The following TMTC1 variants were observed in gnomAD, a reference collection of about 807,000 sequenced individuals.
The protein encoded by TMTC1 is transmembrane O-mannosyltransferase targeting cadherins 1.
TMTC1 carries 73 observed loss-of-function variants against 104.8 expected under a neutral mutation model. The observed-to-expected ratio is 0.70, with a 90% confidence interval of 0.58 to 0.85. TMTC1 has a LOEUF of 0.85. Among genes scored for constraint, TMTC1 ranks in the 40% least tolerant of loss-of-function variants. The probability of loss-of-function intolerance (pLI) is 0.00; values close to 1 mark genes in which losing one functional copy is unlikely to be tolerated. For missense variants in TMTC1, 1,035 were observed against 1,096.1 expected (o/e 0.94, Z 0.79); for synonymous variants, 434 against 428.7 (o/e 1.01, Z -0.15).
intron 7 of TMTC1, among the ~76,000 whole-genome samples, chr12:29,599,250 A>C (rs1946489994): frequency 6.6e-6 from 1 of 152,230 alleles, no homozygotes; most frequent in Admixed American, 6.5e-5. Flanking sequence ...GGGAAAAAAT[A>C]AAAGATCAAA....
intron 5 of TMTC1, among the ~76,000 whole-genome samples, chr12:29,648,290 C>T (rs1041478897): frequency 6.6e-6 from 1 of 152,154 alleles, no homozygotes; most frequent in South Asian, 2.1e-4. Context: ...GACAACCTAG[C>T]TGAGATAAAT....
At chr12:29,730,508 T>G (rs1252173452) in intron 5 of TMTC1, among the ~76,000 whole-genome samples, 1 of 152,210 alleles carries the variant, frequency 6.6e-6, no homozygotes, top group Non-Finnish European at 1.5e-5. Flanking sequence ...TGCTATTGAT[T>G]CTTCTCTCCC....
intron 7 of TMTC1, among the ~76,000 whole-genome samples, chr12:29,588,492 G>T (rs1023874943): frequency 2.0e-5 from 3 of 152,126 alleles, no homozygotes; most frequent in African/African-American, 7.2e-5. Context: ...AGCCCTCTGG[G>T]CTCCGTTCTT....
At chr12:29,689,824 T>A (rs1044009850) in intron 5 of TMTC1, among the ~76,000 whole-genome samples, 11 of 152,204 alleles carry the variant, frequency 7.2e-5, no homozygotes. Flanking sequence ...AGGATTCCAC[T>A]CTTCTAGAAG....
intron 8 of TMTC1, among the ~76,000 whole-genome samples, chr12:29,572,655 T>C (rs569125314): frequency 6.6e-6 from 1 of 152,226 alleles, no homozygotes; most frequent in Admixed American, 6.5e-5. Flanking sequence ...CAATCTGGCT[T>C]TCCTAATTTA....
chr12:29,594,895 G>A lies in TMTC1; in HGVS notation c.1250+9283C>T, dbSNP rs1307201307. 2.0e-5 allele frequency among the ~76,000 whole-genome samples: 3 copies of A among 152,276 alleles called. No individual in the cohort carries two copies. In the East Asian group the frequency reaches 5.8e-4, roughly 29 times the overall value. On this transcript the variant is annotated intron_variant, in intron 7 of 17. Transcript: ENST00000539277. ...CTTTTGAGCACACAAGGTTAGAAAC[G>A]ACATGAAGAGGTTTGAAGAACCAAA...
At chr12:29,739,727 G>A (rs183637166) in intron 5 of TMTC1, among the ~76,000 whole-genome samples, 3 of 151,272 alleles carry the variant, frequency 2.0e-5, no homozygotes, top group Admixed American at 6.6e-5. Flanking sequence ...TTTTTTTTCC[G>A]AGATGGGGTC....
intron 9 of TMTC1, among the ~76,000 whole-genome samples, chr12:29,562,018 G>A (rs574908962): frequency 4.3e-4 from 66 of 152,286 alleles, no homozygotes; most frequent in Non-Finnish European, 7.6e-4. Flanking sequence ...CTTCATTTCA[G>A]GAGGTGACAG....
intron 5 of TMTC1, among the ~76,000 whole-genome samples, chr12:29,707,495 A>T (rs528589180): frequency 6.6e-6 from 1 of 152,130 alleles, no homozygotes; most frequent in Non-Finnish European, 1.5e-5. Flanking sequence ...TACAAAGTCC[A>T]GAGTGTTACA....
intron 5 of TMTC1, among the ~76,000 whole-genome samples, chr12:29,657,730 GGCAAA>G (rs1337062167): frequency 2.6e-5 from 4 of 152,086 alleles, no homozygotes; most frequent in Non-Finnish European, 5.9e-5. Context: ...AAGCATACAA[GGCAAA>G]GAAAGTAGTA....
rs1943898052 is a variant in TMTC1, at chr12:29,783,844, G to A, written c.-93C>T. 2 of 1,043,362 alleles carry A rather than the reference G, an allele frequency of 1.9e-6. No individual in the cohort carries two copies. The highest frequency in any genetic ancestry group is 5.4e-5 in the Admixed American group (1 of 18,442). The allele number at this position is 1,043,362 out of a possible 1,614,324, so 64.6% of individuals were successfully genotyped here. The stretch of plus-strand genomic sequence containing the variant: ...CGGCGGCGCGCGGCGTCTGCCCGGA[G>A]GGGGGCTCGGGCATGGTGCTGCGGC... On this transcript the variant is annotated 5_prime_UTR_variant, in exon 1 of 18. Coordinates refer to ENST00000539277, the MANE Select transcript of TMTC1 (RefSeq NM_001193451.2). This position sits in a 1 kb window ranked among gnomAD's most constrained non-coding sequence, Gnocchi z 4.7.
At chr12:29,744,693 C>A (rs1592001559) in intron 5 of TMTC1, among the ~76,000 whole-genome samples, 1 of 152,076 alleles carries the variant, frequency 6.6e-6, no homozygotes, top group African/African-American at 2.4e-5. Flanking sequence ...ACAGAAAAAT[C>A]AAAAATCTTT....
chr12:29,516,118 C>CAAT (rs1943978688), intron 15 of TMTC1, among the ~76,000 whole-genome samples: 1 of 151,882 alleles, frequency 6.6e-6, no homozygotes, highest in Non-Finnish European at 1.5e-5. Context: ...CAAACTAAGA[C>CAAT]AATACCACAT....
At chr12:29,631,164 G>T (rs1479084452) in intron 6 of TMTC1, among the ~76,000 whole-genome samples, 3 of 152,070 alleles carry the variant, frequency 2.0e-5, no homozygotes, top group Non-Finnish European at 4.4e-5. Flanking sequence ...GGCCTTTGTA[G>T]ATTTATGTTT....
At chr12:29,782,427 C>A (rs1319592846) in intron 1 of TMTC1, among the ~76,000 whole-genome samples, 1 of 150,932 alleles carries the variant, frequency 6.6e-6, no homozygotes, top group Non-Finnish European at 1.5e-5. Context: ...CTCAAATAAT[C>A]ATTACCATAA....
At chr12:29,669,643 G>C (rs535914682) in intron 5 of TMTC1, among the ~76,000 whole-genome samples, 3 of 152,128 alleles carry the variant, frequency 2.0e-5, no homozygotes, top group African/African-American at 7.2e-5. Flanking sequence ...CATGTGTTAC[G>C]TTTACTTAGC....
intron 6 of TMTC1, among the ~76,000 whole-genome samples, chr12:29,615,404 G>A (rs534100056): frequency 6.6e-6 from 1 of 152,118 alleles, no homozygotes; most frequent in African/African-American, 2.4e-5. Context: ...AAACTCCCTC[G>A]AGTGCCTTCT....
Position 29,721,210 on chromosome 12 carries a change from G to A in TMTC1, c.938+30456C>T, listed in dbSNP as rs76387499. Among the ~76,000 whole-genome samples the A allele has an allele frequency of 3.5e-3, 533 of 152,214 alleles. 3 individuals are homozygous for A. The highest frequency in any genetic ancestry group is 0.012 in the African/African-American group (487 of 41,540). On this transcript the variant is annotated intron_variant, in intron 5 of 17. Transcript: ENST00000539277. ...GCATGTGTGTGTGTTGAGAGAGAGA[G>A]ATTTACAAAAACAAGATGGGAATAA...
At chr12:29,618,555 ATTT>A in intron 6 of TMTC1, among the ~76,000 whole-genome samples, 1 of 146,540 alleles carries the variant, frequency 6.8e-6, no homozygotes, top group Non-Finnish European at 1.5e-5. Context: ...GGAATTTTAG[ATTT>A]TTTTTTTTTT....
Sources: gnomAD v4.1 joint callset for allele counts (sites outside exome capture counted in the v4.1 genomes callset) on GRCh38, gnomAD v4.1.1 for gene constraint, Gnocchi (gnomAD v3.1) non-coding constraint, MANE v1.5 for transcripts, NCBI Gene and HGNC (gene_info 2026-07-23, HGNC 2026-07-21) for gene names.